The following PSD3 variants were observed in gnomAD, a reference collection of about 807,000 sequenced individuals.
PSD3 encodes the protein PH and SEC7 domain-containing protein 3.
In PSD3, 49 loss-of-function variants were observed where a neutral mutation model predicts 105.5. That is an observed-to-expected ratio of 0.46 (90% confidence interval 0.37 to 0.59). PSD3 has a LOEUF of 0.59. Ranked by LOEUF, PSD3 falls within the 20% of genes least tolerant of loss-of-function variation. The pLI is 0.00. For synonymous variants in PSD3, 557 were observed against 457.8 expected (o/e 1.22, Z -2.77); for missense variants, 1,561 against 1,263.8 (o/e 1.24, Z -3.57).
intron 4 of PSD3, among the ~76,000 whole-genome samples, chr8:18,806,562 C>T (rs963796423): frequency 6.6e-6 from 1 of 152,204 alleles, no homozygotes; most frequent in African/African-American, 2.4e-5. Context: ...AGATGCTAAA[C>T]CAAGGGCGGT....
intron 2 of PSD3, among the ~76,000 whole-genome samples, chr8:18,930,140 G>A (rs1821642775): frequency 6.6e-6 from 1 of 152,108 alleles, no homozygotes; most frequent in Non-Finnish European, 1.5e-5. Flanking sequence ...GGGCTCCACA[G>A]GCACCATACA....
intron 8 of PSD3, among the ~76,000 whole-genome samples, chr8:18,780,679 G>C (rs1463609562): frequency 6.6e-6 from 1 of 152,046 alleles, no homozygotes; most frequent in Non-Finnish European, 1.5e-5. Context: ...TCAGCCTCCT[G>C]AGTAGCTGGG....
chr8:19,065,876 A>G (rs1388499519), intron 1 of PSD3, among the ~76,000 whole-genome samples: 2 of 152,142 alleles, frequency 1.3e-5, no homozygotes, highest in East Asian at 3.9e-4. Flanking sequence ...GAAAGTCCCA[A>G]CCCTCTAATC....
intron 1 of PSD3, among the ~76,000 whole-genome samples, chr8:19,059,651 A>G (rs1432233289): frequency 2.0e-5 from 3 of 152,262 alleles, no homozygotes; most frequent in Non-Finnish European, 4.4e-5. Flanking sequence ...GAAATTTAAA[A>G]AATTTCTACG....
intron 2 of PSD3, among the ~76,000 whole-genome samples, chr8:18,929,745 A>G (rs753440583): frequency 2.0e-5 from 3 of 152,196 alleles, no homozygotes; most frequent in Non-Finnish European, 2.9e-5. Flanking sequence ...GGCTTTCAAA[A>G]GAAGTTCTAA....
intron 7 of PSD3, chr8:18,801,056 T>A (rs951429316): frequency 8.0e-5 from 30 of 375,604 alleles, no homozygotes; most frequent in African/African-American, 5.9e-4. Context: ...CATGAGAAAA[T>A]GCTCACAATG....
chr8:18,798,956 G>T (rs1478050072), intron 8 of PSD3, among the ~76,000 whole-genome samples: 2 of 152,014 alleles, frequency 1.3e-5, no homozygotes, highest in Non-Finnish European at 2.9e-5. Flanking sequence ...GATCTAATTT[G>T]TATTCTCTCC....
intron 1 of PSD3, among the ~76,000 whole-genome samples, chr8:18,952,639 AT>A: frequency 6.6e-6 from 1 of 152,344 alleles, no homozygotes; most frequent in Middle Eastern, 3.4e-3. Flanking sequence ...GACTGTTAGA[AT>A]AACAGTTCCA....
intron 8 of PSD3, among the ~76,000 whole-genome samples, chr8:18,772,099 A>G (rs1000028077): frequency 6.6e-6 from 1 of 152,198 alleles, no homozygotes; most frequent in African/African-American, 2.4e-5. Context: ...CATTTTATGT[A>G]GAGACAACAT....
intron 10 of PSD3, among the ~76,000 whole-genome samples, chr8:18,652,053 C>T (rs766392591): frequency 5.9e-5 from 9 of 151,908 alleles, no homozygotes; most frequent in East Asian, 1.9e-4. Flanking sequence ...TGCAGGGGTT[C>T]GAAGTGGTGG....
At chr8:18,699,572 A>G (rs938576738) in intron 9 of PSD3, among the ~76,000 whole-genome samples, 2 of 152,172 alleles carry the variant, frequency 1.3e-5, no homozygotes, top group Admixed American at 1.3e-4. Flanking sequence ...TACTCACTTG[A>G]CCGAATACTC....
chr8:18,896,722 G>A (rs1440725395), intron 2 of PSD3, among the ~76,000 whole-genome samples: 1 of 149,072 alleles, frequency 6.7e-6, no homozygotes, highest in Non-Finnish European at 1.5e-5. Flanking sequence ...CTCCTTAATG[G>A]GTTTACTAAT....
chr8:18,847,639 T>C (rs1484055448), intron 4 of PSD3, among the ~76,000 whole-genome samples: 1 of 152,198 alleles, frequency 6.6e-6, no homozygotes, highest in African/African-American at 2.4e-5. Flanking sequence ...CCATGTGAAT[T>C]ATTTAACCAA....
intron 2 of PSD3, among the ~76,000 whole-genome samples, chr8:18,908,941 C>A (rs1400966432): frequency 1.3e-5 from 2 of 152,190 alleles, no homozygotes; most frequent in Non-Finnish European, 2.9e-5. Flanking sequence ...TGCAGCCACA[C>A]ACAAAACAAG....
chr8:18,751,139 G>T (rs1045090889), intron 9 of PSD3, among the ~76,000 whole-genome samples: 6 of 152,148 alleles, frequency 3.9e-5, no homozygotes, highest in Non-Finnish European at 8.8e-5. Flanking sequence ...ACCCACGGAG[G>T]CGGGGAAGGC....
At chr8:18,983,930 A>G (rs1825368608) in intron 1 of PSD3, among the ~76,000 whole-genome samples, 1 of 151,884 alleles carries the variant, frequency 6.6e-6, no homozygotes, top group African/African-American at 2.4e-5. Flanking sequence ...CTGAGCCCAA[A>G]AAAGTTCAAG....
Position 18,735,740 on chromosome 8 carries a change from G to T in PSD3, c.2172+29709C>A, listed in dbSNP as rs1402784445. Among the ~76,000 whole-genome samples the T allele has an allele frequency of 1.3e-5, 2 of 152,112 alleles. 1 individual carries two copies. Among genetic ancestry groups the T allele is most frequent in the East Asian group, 3.9e-4 (2 of 5,188 alleles). ...ATCAGTACAAATTTATGAGGCTGAT[G>T]AAACTATGGGAAAACAAAGGATTAT... is the stretch of plus-strand genomic sequence containing the variant. On this transcript the variant is annotated intron_variant, in intron 9 of 15. Transcript: ENST00000327040.
chr8:18,811,572 G>C (rs1464557084), intron 4 of PSD3, among the ~76,000 whole-genome samples: 2 of 152,184 alleles, frequency 1.3e-5, no homozygotes, highest in Admixed American at 1.3e-4. Flanking sequence ...TTGGGGATGA[G>C]GGTGGAAACA....
At chr8:18,903,739 G>C (rs530298447) in intron 2 of PSD3, among the ~76,000 whole-genome samples, 13 of 152,278 alleles carry the variant, frequency 8.5e-5, no homozygotes, top group African/African-American at 2.6e-4. Context: ...CCCAGGCACA[G>C]TTTCCCTAGG....
Sources: allele counts gnomAD v4.1 joint callset (sites outside exome capture counted in the v4.1 genomes callset), GRCh38; gene constraint gnomAD v4.1.1; transcripts MANE v1.5; gene names NCBI Gene and HGNC (gene_info 2026-07-23, HGNC 2026-07-21).